ADAMTS19: variants seen among roughly 807,000 people sequenced by gnomAD.
ADAMTS19 encodes the protein ADAM metallopeptidase with thrombospondin type 1 motif 19.
A neutral mutation model predicts 153.3 loss-of-function variants in ADAMTS19; 93 were observed. That is an observed-to-expected ratio of 0.61 (90% confidence interval 0.51 to 0.72). ADAMTS19 has a LOEUF of 0.72. Ranked by LOEUF, ADAMTS19 falls within the 30% of genes least tolerant of loss-of-function variation. The pLI is 0.00. For missense variants in ADAMTS19, 1,482 were observed against 1,552.1 expected (o/e 0.95, Z 0.76); for synonymous variants, 600 against 556.6 (o/e 1.08, Z -1.10).
At chr5:129,707,271 T>A (rs993090998) in intron 21 of ADAMTS19, among the ~76,000 whole-genome samples, 1 of 152,240 alleles carries the variant, frequency 6.6e-6, no homozygotes, top group African/African-American at 2.4e-5. Context: ...ATTGTATTCA[T>A]CTTTATTCCT....
At chr5:129,609,227 AATT>A (rs1751079254) in intron 8 of ADAMTS19, among the ~76,000 whole-genome samples, 2 of 152,168 alleles carry the variant, frequency 1.3e-5, no homozygotes, top group South Asian at 4.1e-4. Context: ...CTTGGGCTTG[AATT>A]ATTGTTCTGC....
At position 129,526,309 on chromosome 5, in the gene ADAMTS19, A is replaced by C. The variant is rs1011237014; in HGVS notation, c.939A>C (p.Lys313Asn). Residue 313 changes from lysine (K) to asparagine (N), a missense_variant, in exon 4 of 23, where the codon AAA (lysine) becomes AAC (asparagine). Physicochemically the swap from Lys to Asn is moderately conservative, Grantham distance 94 (BLOSUM62 0). Coordinates refer to ENST00000274487, the MANE Select transcript of ADAMTS19 (RefSeq NM_133638.6). ...ISDKGRPRSR[K>N]IAESGRGKRY... is the part of the protein sequence containing the mutation. ...ATAAAGGAAGACCTAGGTCTAGAAA[A>C]ATAGCAGAAAGTGGAAGAGGGAAAC... is the stretch of plus-strand genomic sequence containing the variant. 2 of 1,592,082 alleles carry C rather than the reference A, an allele frequency of 1.3e-6. No individual in the cohort carries two copies. Among genetic ancestry groups the C allele is most frequent in the Non-Finnish European group, 1.7e-6 (2 of 1,171,994 alleles).
intron 8 of ADAMTS19, among the ~76,000 whole-genome samples, chr5:129,600,615 C>T (rs973193641): frequency 6.6e-6 from 1 of 152,050 alleles, no homozygotes; most frequent in Admixed American, 6.6e-5. Flanking sequence ...AAAAATGACT[C>T]TTGGGGATGA....
chr5:129,670,799 G>T (rs957469404), intron 16 of ADAMTS19, among the ~76,000 whole-genome samples: 2 of 152,052 alleles, frequency 1.3e-5, no homozygotes, highest in South Asian at 4.1e-4. Flanking sequence ...TCTACTCACT[G>T]TCTCCAATTC....
chr5:129,471,282 C>T (rs1230135237), intron 2 of ADAMTS19, among the ~76,000 whole-genome samples: 1 of 152,020 alleles, frequency 6.6e-6, no homozygotes, highest in African/African-American at 2.4e-5. Flanking sequence ...GGGAGGATCA[C>T]CTGAAGCCAG....
intron 21 of ADAMTS19, among the ~76,000 whole-genome samples, chr5:129,707,107 G>A (rs183148395): frequency 1.2e-4 from 18 of 152,198 alleles, no homozygotes; most frequent in Admixed American, 6.5e-4. Flanking sequence ...AACCAAAGGC[G>A]GATCAAGAAT....
At chr5:129,470,529 C>T (rs74571856) in intron 2 of ADAMTS19, among the ~76,000 whole-genome samples, 3,644 of 152,218 alleles carry the variant, frequency 0.024, 150 homozygotes, top group African/African-American at 0.082. Context: ...GTGAACACAT[C>T]CATCTCATCA....
rs112891024 is a variant in ADAMTS19, at chr5:129,558,375, T to C, written c.1372+6468T>C. Among the ~76,000 whole-genome samples, 298 of 152,234 alleles carry C rather than the reference T, an allele frequency of 2.0e-3. 2 individuals are homozygous for C. The highest frequency in any genetic ancestry group is 6.8e-3 in the African/African-American group (283 of 41,562). On this transcript the variant is annotated intron_variant, in intron 7 of 22. Transcript: ENST00000274487. ...TGCAATAACCAATTGCATTTTATTT[T>C]GGTAATAGGCAGTAAGAAATTAAAA...
In ADAMTS19 at chr5:129,537,772, G is replaced by A. The variant is rs560544606; in HGVS notation, c.1328+9095G>A. On this transcript the variant is annotated intron_variant, in intron 6 of 22. Transcript: ENST00000274487. ...AGGGGAACATCACACACTGGGGCCT[G>A]TTGTGGGATGGGGGAAGGGGGGAGG... Among the ~76,000 whole-genome samples the A allele has an allele frequency of 2.2e-3, 336 of 151,806 alleles. 2 individuals carry two copies. Among genetic ancestry groups the A allele is most frequent in the African/African-American group, 7.7e-3 (320 of 41,384 alleles).
rs564570854 is a variant in ADAMTS19 at position 129,611,055 on chromosome 5, T to C, written c.1479-9563T>C. ...CTGATGGCCAGTGATGATGAGCATT[T>C]TTTCACGTCTGTTGGCTGCATAAAT... On this transcript the variant is annotated intron_variant, in intron 8 of 22. Transcript: ENST00000274487. 5.3e-5 allele frequency among the ~76,000 whole-genome samples: 8 copies of C among 152,324 alleles called. No homozygotes were observed. In the East Asian group the frequency reaches 1.5e-3, roughly 29 times the overall value.
intron 22 of ADAMTS19, among the ~76,000 whole-genome samples, chr5:129,735,394 G>A (rs916594672): frequency 1.1e-4 from 17 of 151,944 alleles, no homozygotes; most frequent in Non-Finnish European, 2.2e-4. Context: ...ATTTAGACTC[G>A]GATCAATCTC....
chr5:129,726,415 CATTTGGCTTTTTAGT>C lies in ADAMTS19; in HGVS notation c.3313-8516_3313-8502del, dbSNP rs1360052283. Among the ~76,000 whole-genome samples the C allele has an allele frequency of 7.9e-5, 12 of 152,188 alleles. No individual in the cohort carries two copies. The East Asian group carries it at 2.3e-3, about 29-fold the overall frequency. On this transcript the variant is annotated intron_variant, in intron 21 of 22. Coordinates refer to ENST00000274487, the MANE Select transcript of ADAMTS19 (RefSeq NM_133638.6). Reference sequence around the variant, plus strand: ...TGGCAAATTGATGTTGACATTTTAGCATTTGGCTTTTTAGTGGAACTCTATAGTGTGTCTTGTTTC... The same window carrying C: ...TGGCAAATTGATGTTGACATTTTAGCGGAACTCTATAGTGTGTCTTGTTTC...
chr5:129,486,813 G>T (rs959416537), intron 2 of ADAMTS19, among the ~76,000 whole-genome samples: 1 of 152,054 alleles, frequency 6.6e-6, no homozygotes, highest in Non-Finnish European at 1.5e-5. Context: ...GATAAGAAAA[G>T]AAGTAAAATT....
chr5:129,483,818 T>A (rs544364482), intron 2 of ADAMTS19, among the ~76,000 whole-genome samples: 78 of 152,278 alleles, frequency 5.1e-4, no homozygotes, highest in Admixed American at 4.2e-3. Flanking sequence ...AATAATTTCA[T>A]AATATACAAC....
chr5:129,661,238 G>GA (rs1254710592), intron 15 of ADAMTS19, among the ~76,000 whole-genome samples: 4 of 151,702 alleles, frequency 2.6e-5, no homozygotes, highest in African/African-American at 9.7e-5. Flanking sequence ...AGCTCAATGA[G>GA]AAAAAAAATC....
intron 6 of ADAMTS19, among the ~76,000 whole-genome samples, chr5:129,535,189 T>G (rs942029121): frequency 6.6e-6 from 1 of 152,178 alleles, no homozygotes. Flanking sequence ...CAAAATCTCC[T>G]TAAGCTGATA....
chr5:129,500,852 TA>T (rs1239644585), intron 2 of ADAMTS19, among the ~76,000 whole-genome samples: 1 of 152,030 alleles, frequency 6.6e-6, no homozygotes, highest in Admixed American at 6.6e-5. Context: ...GTAATAAAAT[TA>T]TGATATATTT....
At chr5:129,716,607 C>G (rs1756743551) in intron 21 of ADAMTS19, among the ~76,000 whole-genome samples, 1 of 147,374 alleles carries the variant, frequency 6.8e-6, no homozygotes, top group Non-Finnish European at 1.5e-5. Flanking sequence ...ATTTCAAAAT[C>G]CTCTCCCTAC....
chr5:129,714,848 A>C (rs4835975), intron 21 of ADAMTS19, among the ~76,000 whole-genome samples: 78,136 of 152,072 alleles, frequency 0.51, 21,481 homozygotes, highest in Non-Finnish European at 0.62. Context: ...TTTGCTAACC[A>C]TATTTATGAA....
Sources: gnomAD v4.1 joint callset for allele counts (sites outside exome capture counted in the v4.1 genomes callset) on GRCh38, gnomAD v4.1.1 for gene constraint, MANE v1.5 for transcripts, NCBI Gene and HGNC (gene_info 2026-07-23, HGNC 2026-07-21) for gene names.